The following LATS2 variants were observed in gnomAD, a reference collection of about 807,000 sequenced individuals.
LATS2 encodes serine/threonine-protein kinase LATS2.
Under a neutral mutation model 76.0 loss-of-function variants are expected in LATS2, and 24 were observed. The observed-to-expected ratio is 0.32, with a 90% CI of 0.23 to 0.44. The LOEUF (loss-of-function observed/expected upper bound fraction) is 0.44. LATS2 is among the 20% of genes least tolerant of loss of function. LATS2 has a pLI of 1.00. For synonymous variants in LATS2, 692 were observed against 635.4 expected (o/e 1.09, Z -1.34); for missense variants, 1,286 against 1,481.2 (o/e 0.87, Z 2.16).
rs1555225496 is a variant in LATS2, at chr13:21,007,682, A to AGT, written c.343-16280_343-16279dup. On this transcript the variant is annotated intron_variant, in intron 2 of 7. Coordinates refer to ENST00000382592, the MANE Select transcript of LATS2 (RefSeq NM_014572.3). ...ATATATAGTGTGTATATATATATAT[A>AGT]GTATATATATATATATAGTATGTAT... 9.6e-3 allele frequency among the ~76,000 whole-genome samples: 23 copies of AGT among 2,406 alleles called. 8 individuals carry two copies. Among genetic ancestry groups the AGT allele is most frequent in the African/African-American group, 0.042 (23 of 548 alleles). 1.6% of individuals were successfully genotyped at this position (2,406 alleles called of 152,430 possible).
chr13:21,035,261 A>AT lies in LATS2; in HGVS notation c.342+10423dup, dbSNP rs139762230. Reference sequence around the variant, plus strand: ...TAGTGACTATGATAATGGATGTGGCATTTTTTTTTTAATTTTGAAATTCAT... The same window carrying AT: ...TAGTGACTATGATAATGGATGTGGCATTTTTTTTTTTAATTTTGAAATTCAT... On this transcript the variant is annotated intron_variant, in intron 2 of 7. Coordinates refer to ENST00000382592, the MANE Select transcript of LATS2 (RefSeq NM_014572.3). Among the ~76,000 whole-genome samples, 557 of 150,578 alleles carry AT rather than the reference A, an allele frequency of 3.7e-3. 4 individuals are homozygous for AT. The highest frequency in any genetic ancestry group is 4.3e-3 in the Non-Finnish European group (291 of 67,484).
At chr13:21,008,563 G>C (rs1476269193) in intron 2 of LATS2, among the ~76,000 whole-genome samples, 2 of 152,134 alleles carry the variant, frequency 1.3e-5, no homozygotes, top group Non-Finnish European at 2.9e-5. Context: ...CAGTGGTAAA[G>C]TCTGAATTCA....
chr13:21,052,924 CCTTT>C (rs1217113773), intron 1 of LATS2, among the ~76,000 whole-genome samples: 2 of 152,050 alleles, frequency 1.3e-5, no homozygotes, highest in African/African-American at 4.8e-5. Context: ...ACCTGCAAAA[CCTTT>C]CTCTCAGCTA....
At chr13:20,975,515 G>T in intron 7 of LATS2, 151 bp from the exon 8 acceptor site, 1 of 803,768 alleles carries the variant, frequency 1.2e-6, no homozygotes, top group Non-Finnish European at 1.9e-6. Context: ...GATCTCAGCA[G>T]CCACAAAAAG....
At chr13:21,038,065 C>T (rs1198417640) in intron 2 of LATS2, among the ~76,000 whole-genome samples, 5 of 152,116 alleles carry the variant, frequency 3.3e-5, no homozygotes, top group Non-Finnish European at 7.4e-5. Context: ...ATGATCATGC[C>T]ACCACACTCC....
chr13:21,057,478 T>A (rs960700367), intron 1 of LATS2, among the ~76,000 whole-genome samples: 1 of 152,234 alleles, frequency 6.6e-6, no homozygotes, highest in African/African-American at 2.4e-5. Context: ...TGTCTTTATT[T>A]CCAATATTAC....
chr13:20,985,244 A>T (rs1029286721), intron 4 of LATS2, among the ~76,000 whole-genome samples: 1 of 152,228 alleles, frequency 6.6e-6, no homozygotes, highest in Non-Finnish European at 1.5e-5. Context: ...AGCACAGGCA[A>T]AAAAACCCCA....
intron 2 of LATS2, among the ~76,000 whole-genome samples, chr13:20,997,142 G>A (rs1230573271): frequency 6.6e-6 from 1 of 152,162 alleles, no homozygotes; most frequent in Non-Finnish European, 1.5e-5. Flanking sequence ...ATTGGGGAGG[G>A]ACTGAGAAGG....
intron 1 of LATS2, among the ~76,000 whole-genome samples, chr13:21,060,371 A>AC (rs1369826698): frequency 6.6e-6 from 1 of 151,800 alleles, no homozygotes; most frequent in Non-Finnish European, 1.5e-5. Flanking sequence ...AGAAAGCCAA[A>AC]CCCCCCACAC....
chr13:21,038,727 G>A (rs1872761374), intron 2 of LATS2: 1 of 152,200 alleles, frequency 6.6e-6, no homozygotes, highest in Admixed American at 6.5e-5. Context: ...GTTAACAGCA[G>A]TCTTACCAGG....
Position 21,023,670 on chromosome 13 carries a change from A to C in LATS2, c.342+22015T>G, listed in dbSNP as rs1315745416. On this transcript the variant is annotated intron_variant, in intron 2 of 7. Transcript: ENST00000382592. The stretch of plus-strand genomic sequence containing the variant: ...TTAAAAAAAAAAAAAAAAAAAAAAA[A>C]AAAAAAAAAAAAACAAACCTCGGCC... Among the ~76,000 whole-genome samples the C allele has an allele frequency of 1.7e-4, 6 of 34,754 alleles. 1 individual carries two copies. The highest frequency in any genetic ancestry group is 1.2e-3 in the Admixed American group (3 of 2,536). 22.8% of individuals were successfully genotyped at this position (34,754 alleles called of 152,430 possible). A position where few individuals can be genotyped will look rare whatever the true frequency, so the allele number is the denominator to read the frequency against.
intron 7 of LATS2, among the ~76,000 whole-genome samples, chr13:20,977,219 A>T (rs1266091728): frequency 6.6e-6 from 1 of 152,014 alleles, no homozygotes; most frequent in East Asian, 1.9e-4. Context: ...AACATGATGA[A>T]GCCACATCTC....
chr13:21,039,990 T>C lies in LATS2; in HGVS notation c.342+5695A>G, dbSNP rs554376526. ...TGGGAGGCTGAGGCAGGAGAATCAC[T>C]TGAATCCGGAAGGCAGAGGTTGCAG... On this transcript the variant is annotated intron_variant, in intron 2 of 7. Coordinates refer to ENST00000382592, the MANE Select transcript of LATS2 (RefSeq NM_014572.3). Among the ~76,000 whole-genome samples, 22 of 152,192 alleles carry C rather than the reference T, an allele frequency of 1.4e-4. No homozygotes were observed. The South Asian group carries it at 4.6e-3, about 32-fold the overall frequency.
At chr13:21,045,236 A>G (rs1273099840) in intron 2 of LATS2, among the ~76,000 whole-genome samples, 1 of 152,214 alleles carries the variant, frequency 6.6e-6, no homozygotes, top group African/African-American at 2.4e-5. Flanking sequence ...AAACCGAGTC[A>G]GAGAATAGCC....
rs537017932 is a variant in LATS2, at chr13:21,059,941, G to C, written c.-205+1405C>G. On this transcript the variant is annotated intron_variant, in intron 1 of 7. Transcript: ENST00000382592. ...GATCGCGCCACTCCCCTCCAGCCTG[G>C]GAGACAGAGCGAGATCTTGTCTTAA... 5.3e-5 allele frequency among the ~76,000 whole-genome samples: 8 copies of C among 152,334 alleles called. No homozygotes were observed. In the South Asian group the frequency reaches 1.7e-3, roughly 32 times the overall value.
At chr13:21,024,182 CA>C (rs1399642402) in intron 2 of LATS2, among the ~76,000 whole-genome samples, 1 of 151,028 alleles carries the variant, frequency 6.6e-6, no homozygotes, top group African/African-American at 2.4e-5. Flanking sequence ...ACTTGTAATC[CA>C]GACACTTTGG....
intron 2 of LATS2, among the ~76,000 whole-genome samples, chr13:21,029,493 T>C (rs186546082): frequency 4.1e-4 from 62 of 152,282 alleles, no homozygotes; most frequent in Non-Finnish European, 4.4e-5. Flanking sequence ...TATATTGCAT[T>C]TATAAAAGAT....
chr13:20,975,495 A>C (rs1869573676), intron 7 of LATS2, 131 bp from the exon 8 acceptor site: 3 of 968,818 alleles, frequency 3.1e-6, no homozygotes, highest in Admixed American at 6.2e-5. Context: ...AGACACAAGC[A>C]GCAGTTGTTG....
intron 5 of LATS2, among the ~76,000 whole-genome samples, 177 bp downstream of exon 5, chr13:20,983,047 C>G (rs1869969665): frequency 7.0e-6 from 1 of 142,322 alleles, no homozygotes; most frequent in Admixed American, 6.9e-5. Context: ...AAAAAAAATG[C>G]ATATCACACT....
Sources: allele counts gnomAD v4.1 joint callset (sites outside exome capture counted in the v4.1 genomes callset), GRCh38; gene constraint gnomAD v4.1.1; transcripts MANE v1.5; gene names NCBI Gene and HGNC (gene_info 2026-07-23, HGNC 2026-07-21).